SLC4A7: variants seen among roughly 807,000 people sequenced by gnomAD.
SLC4A7 encodes sodium bicarbonate cotransporter 3.
A neutral mutation model predicts 137.6 loss-of-function variants in SLC4A7; 51 were observed. The observed-to-expected ratio is 0.37, with a 90% CI of 0.30 to 0.47. SLC4A7 has a LOEUF of 0.47. Ranked by LOEUF, SLC4A7 falls within the 20% of genes least tolerant of loss-of-function variation. SLC4A7 has a pLI of 1.00. For missense variants in SLC4A7, 1,247 were observed against 1,525.4 expected, an observed-to-expected ratio of 0.82 and a Z score of 3.04; for synonymous variants, 542 against 518.6, an observed-to-expected ratio of 1.05 and a Z score of -0.61.
chr3:27,448,531 A>C (rs1407843618), intron 3 of SLC4A7, 120 bp downstream of exon 3: 2 of 739,842 alleles, frequency 2.7e-6, no homozygotes, highest in Admixed American at 5.3e-5. Flanking sequence ...TACATTCCCC[A>C]TACAATGTGA....
rs747543199 is a variant in SLC4A7 at position 27,437,504 on chromosome 3, C to A, written c.312G>T (p.Gln104His). 2.3e-5 allele frequency: 37 copies of A among 1,591,622 alleles called. No individual in the cohort carries two copies. Among genetic ancestry groups the A allele is most frequent in the East Asian group, 6.9e-5 (3 of 43,758 alleles). The part of the protein sequence containing the change: ...PSYDTPSQRV[Q>H]FILGTEDDDE... Reference sequence around the variant, plus strand: ...CATCATCTTCAGTACCAAGGATAAACTGAACTCTCTGGGATGGTGTATCTT... The same window carrying A: ...CATCATCTTCAGTACCAAGGATAAAATGAACTCTCTGGGATGGTGTATCTT... The change falls in exon 4 of 26, where the codon CAG (glutamine) becomes CAT (histidine). Residue 104 changes from glutamine to histidine, a missense_variant. Gln to His is a conservative substitution (Grantham distance 24). This residue lies in a region of SLC4A7 where 176 missense variants were observed against 186.4 expected (regional missense o/e 0.94). Coordinates refer to ENST00000454389, the MANE Select transcript of SLC4A7 (RefSeq NM_001321103.2).
intron 1 of SLC4A7, among the ~76,000 whole-genome samples, chr3:27,457,187 T>C (rs2058459144): frequency 3.9e-5 from 6 of 152,156 alleles, no homozygotes. Context: ...CCTTGGTTTA[T>C]ATAAGTTACC....
chr3:27,406,234 C>T (rs6785306), intron 13 of SLC4A7, among the ~76,000 whole-genome samples: 1 of 152,160 alleles, frequency 6.6e-6, no homozygotes, highest in African/African-American at 2.4e-5. Context: ...TTTGAAATGG[C>T]GGTGATGATA....
rs879493352 is a variant in SLC4A7 at position 27,438,577 on chromosome 3, A to G, written c.290-1051T>C. Among the ~76,000 whole-genome samples the G allele has an allele frequency of 5.0e-4, 74 of 148,232 alleles. 1 individual carries two copies. The highest frequency in any genetic ancestry group is 4.2e-4 in the Admixed American group (6 of 14,252). On this transcript the variant is annotated intron_variant, in intron 3 of 25. Coordinates refer to ENST00000454389, the MANE Select transcript of SLC4A7 (RefSeq NM_001321103.2). ...TAACATAACATAACATAAAATAACA[A>G]AATAACATAAAATAAAATAACATAA...
At position 27,417,999 on chromosome 3, in the gene SLC4A7, T is replaced by G. The variant is rs79636829; in HGVS notation, c.1659+487A>C. Among the ~76,000 whole-genome samples, 473 of 152,272 alleles carry G rather than the reference T, an allele frequency of 3.1e-3. 4 individuals are homozygous for G. Among genetic ancestry groups the G allele is most frequent in the African/African-American group, 0.011 (454 of 41,566 alleles). ...CAGCAATCCTATTACTGGGGATCTATTCTACAGATACATCTGCAAAAGACT... is the reference window on the plus strand; with the variant it reads ...CAGCAATCCTATTACTGGGGATCTAGTCTACAGATACATCTGCAAAAGACT... On this transcript the variant is annotated intron_variant, in intron 11 of 25. Coordinates refer to ENST00000454389, the MANE Select transcript of SLC4A7 (RefSeq NM_001321103.2).
At chr3:27,475,252 A>G (rs897645880) in intron 1 of SLC4A7, among the ~76,000 whole-genome samples, 6 of 151,808 alleles carry the variant, frequency 4.0e-5, no homozygotes, top group South Asian at 2.1e-4. Flanking sequence ...AGGATACTCC[A>G]TAAGAACACA....
intron 21 of SLC4A7, among the ~76,000 whole-genome samples, chr3:27,391,231 T>C (rs2051522294): frequency 6.6e-6 from 1 of 152,232 alleles, no homozygotes; most frequent in Non-Finnish European, 1.5e-5. Flanking sequence ...CTGGCTTAGC[T>C]AATAATCTTC....
intron 1 of SLC4A7, chr3:27,456,991 C>A (rs1384824406): frequency 1.1e-6 from 1 of 920,350 alleles, no homozygotes; most frequent in African/African-American, 1.8e-5. Flanking sequence ...AATGTTAGTA[C>A]AAAGAGTGCA....
At chr3:27,379,145 C>T in intron 25 of SLC4A7, 104 bp downstream of exon 25, 1 of 645,524 alleles carries the variant, frequency 1.5e-6, no homozygotes, top group South Asian at 1.8e-5. Context: ...TACCTTATTC[C>T]AAGTATACAT....
intron 12 of SLC4A7, among the ~76,000 whole-genome samples, chr3:27,411,292 G>C (rs1285214556): frequency 6.6e-6 from 1 of 151,944 alleles, no homozygotes; most frequent in Non-Finnish European, 1.5e-5. Flanking sequence ...ATTACTCTCT[G>C]TTCCCATAAT....
chr3:27,403,511 T>C, intron 14 of SLC4A7, 127 bp from the exon 15 acceptor site: 1 of 562,780 alleles, frequency 1.8e-6, no homozygotes, highest in South Asian at 3.1e-5. Flanking sequence ...AATTACAGAA[T>C]GACAAAATAA....
chr3:27,414,390 G>C (rs2054188860), intron 11 of SLC4A7, among the ~76,000 whole-genome samples: 1 of 152,052 alleles, frequency 6.6e-6, no homozygotes, highest in African/African-American at 2.4e-5. Context: ...AATCTAATAA[G>C]CCTACTGTTG....
rs1371418448 is a variant in SLC4A7, at chr3:27,405,004, T to A, written c.1942-41A>T. 3 of 1,448,904 alleles carry A rather than the reference T, an allele frequency of 2.1e-6. No homozygotes were observed. The Admixed American group carries it at 7.2e-5, about 35-fold the overall frequency. 89.8% of individuals were successfully genotyped at this position (1,448,904 alleles called of 1,614,324 possible). ...AGAAATGAATAAAAGCAATACATCA[T>A]AAACATTTCTCTAACGTACTATAAT... On this transcript the variant is annotated intron_variant, in intron 13 of 25. Transcript: ENST00000454389.
In SLC4A7 at chr3:27,375,410, T is replaced by C. The variant is rs923916007; in HGVS notation, c.*1354A>G. ...AGTCCTACAGGCTTAACAACATTTA[T>C]TTCATGTGGAACTAAAAGTATATAA... is the stretch of plus-strand genomic sequence containing the variant. On this transcript the variant is annotated 3_prime_UTR_variant, in exon 26 of 26. Transcript: ENST00000454389. 2 of 152,420 alleles carry C rather than the reference T, an allele frequency of 1.3e-5. No homozygotes were observed. The highest frequency in any genetic ancestry group is 2.9e-5 in the Non-Finnish European group (2 of 67,900). The allele number at this position is 152,420 out of a possible 1,614,324, so 9.4% of individuals were successfully genotyped here.
chr3:27,469,346 AGGTT>A (rs1420280706), intron 1 of SLC4A7, among the ~76,000 whole-genome samples: 1 of 152,110 alleles, frequency 6.6e-6, no homozygotes, highest in East Asian at 1.9e-4. Context: ...TAGATCCCAC[AGGTT>A]GAGGGCTCAG....
At chr3:27,412,362 T>C (rs2053984196) in intron 11 of SLC4A7, among the ~76,000 whole-genome samples, 1 of 152,104 alleles carries the variant, frequency 6.6e-6, no homozygotes, top group East Asian at 1.9e-4. Context: ...TAAAAATATG[T>C]GTGAGCATGT....
chr3:27,440,598 C>T lies in SLC4A7; in HGVS notation c.290-3072G>A, dbSNP rs549804169. Among the ~76,000 whole-genome samples the T allele has an allele frequency of 2.8e-4, 42 of 151,360 alleles. 1 individual carries two copies. Among genetic ancestry groups the T allele is most frequent in the South Asian group, 1.9e-3 (9 of 4,772 alleles). On this transcript the variant is annotated intron_variant, in intron 3 of 25. Coordinates refer to ENST00000454389, the MANE Select transcript of SLC4A7 (RefSeq NM_001321103.2). ...CAAAAATTAGCCAGGCATGGTGGTA[C>T]GCACCTGTAATCCCAGCTACTCAGG...
intron 6 of SLC4A7, among the ~76,000 whole-genome samples, chr3:27,431,933 G>A (rs1388322931): frequency 6.6e-6 from 1 of 152,100 alleles, no homozygotes; most frequent in Non-Finnish European, 1.5e-5. Flanking sequence ...TTAGAAATTA[G>A]AATGACCAAT....
Position 27,383,210 on chromosome 3 carries a change from T to G in SLC4A7, c.3533A>C (p.His1178Pro). The G allele has an allele frequency of 6.2e-7, 1 of 1,613,406 alleles. No homozygotes were observed. The highest frequency in any genetic ancestry group is 1.1e-5 in the South Asian group (1 of 91,046). Residue 1178 changes from histidine to proline, a missense_variant, in exon 24 of 26, where the codon CAC becomes CCC. Around this residue, in one of 6 missense-constraint regions of SLC4A7, gnomAD observed 290 missense variants for 323.8 expected, o/e 0.90. Transcript: ENST00000454389. The stretch of plus-strand genomic sequence containing the variant: ...GAGACTTCCCCCTTCAAATGGAAGG[T>G]GCACAGTATCATCATCATCTTGAAG... ...RMLQDDDDTV[H>P]LPFEGGSLLQ...
Sources: gnomAD v4.1 joint callset for allele counts (sites outside exome capture counted in the v4.1 genomes callset) on GRCh38, gnomAD v4.1.1 for gene constraint, gnomAD v4.1.1 regional missense constraint, MANE v1.5 for transcripts, NCBI Gene and HGNC (gene_info 2026-07-23, HGNC 2026-07-21) for gene names.